IRAG1: variants seen among roughly 807,000 people sequenced by gnomAD.
IRAG1 encodes IP3R-associated cGMP kinase substrate.
IRAG1 carries 62 observed loss-of-function variants against 106.2 expected under a neutral mutation model. The ratio of observed to expected loss-of-function variants is 0.58; its 90% CI spans 0.48 to 0.72. The LOEUF is 0.72. Ranked by LOEUF, IRAG1 falls within the 30% of genes least tolerant of loss-of-function variation. IRAG1 has a pLI of 0.00. For missense variants in IRAG1, 1,064 were observed against 1,140.7 expected, an observed-to-expected ratio of 0.93 and a Z score of 0.97; for synonymous variants, 462 against 443.9, an observed-to-expected ratio of 1.04 and a Z score of -0.51.
chr11:10,625,068 A>G (rs1016211399), intron 9 of IRAG1, among the ~76,000 whole-genome samples: 5 of 152,232 alleles, frequency 3.3e-5, no homozygotes, highest in African/African-American at 9.6e-5. Flanking sequence ...CCTCCAGTTC[A>G]GAGCATCATG....
At chr11:10,676,481 A>G (rs946414866) in intron 1 of IRAG1, among the ~76,000 whole-genome samples, 1 of 152,202 alleles carries the variant, frequency 6.6e-6, no homozygotes, top group Admixed American at 6.5e-5. Context: ...GCCCCACAGA[A>G]TATCCCATGC....
chr11:10,606,923 T>TA (rs1292409982), intron 11 of IRAG1, among the ~76,000 whole-genome samples, 151 bp from the exon 12 acceptor site: 1 of 152,188 alleles, frequency 6.6e-6, no homozygotes, highest in Non-Finnish European at 1.5e-5. Context: ...TTGCCTGTGC[T>TA]CTGTCACCTG....
chr11:10,622,325 G>C (rs16927084), intron 10 of IRAG1, among the ~76,000 whole-genome samples: 2,265 of 152,216 alleles, frequency 0.015, 67 homozygotes, highest in African/African-American at 0.052. Context: ...GAGGCTAGAG[G>C]GTGAGTGGCC....
At chr11:10,632,087 T>A in intron 3 of IRAG1, 26 bp from the exon 4 acceptor site, 1 of 1,570,608 alleles carries the variant, frequency 6.4e-7, no homozygotes. Context: ...GTCATCTTGT[T>A]CAGAAAATCA....
rs145405534 is a variant in IRAG1 at position 10,580,532 on chromosome 11, T to TTCC, written c.2415_2417dup (p.Glu807dup). 3 of 1,613,962 alleles carry TTCC rather than the reference T, an allele frequency of 1.9e-6. No individual in the cohort carries two copies. The highest frequency in any genetic ancestry group is 2.5e-6 in the Non-Finnish European group (3 of 1,179,848). On this transcript the variant is annotated inframe_insertion, in exon 20 of 21. Transcript: ENST00000423302. ...CCTCAGGACTCTCACTCTTCTGTTC[T>TTCC]TCCTCCTCCTCCTTCAGGTCTTGAA...
chr11:10,646,022 A>T (rs973078546), intron 2 of IRAG1, among the ~76,000 whole-genome samples: 3 of 152,202 alleles, frequency 2.0e-5, no homozygotes, highest in Non-Finnish European at 4.4e-5. Context: ...ATGAGGAATC[A>T]CTTATCCAAG....
At chr11:10,669,053 C>A (rs1185374583) in intron 1 of IRAG1, among the ~76,000 whole-genome samples, 1 of 152,148 alleles carries the variant, frequency 6.6e-6, no homozygotes, top group Non-Finnish European at 1.5e-5. Flanking sequence ...TCCCATTATC[C>A]AAGAGTGTAC....
intron 15 of IRAG1, chr11:10,595,637 C>T (rs192302289): frequency 2.6e-5 from 4 of 152,334 alleles, no homozygotes; most frequent in East Asian, 1.9e-4. Flanking sequence ...GATTTACCCA[C>T]GTTTACAAAT....
At chr11:10,614,868 A>AC (rs1279502049) in intron 10 of IRAG1, among the ~76,000 whole-genome samples, 1 of 152,240 alleles carries the variant, frequency 6.6e-6, no homozygotes, top group East Asian at 1.9e-4. Flanking sequence ...ACCATTCAGG[A>AC]CATAGGCATG....
chr11:10,596,569 C>T (rs900827184), intron 15 of IRAG1, among the ~76,000 whole-genome samples: 1 of 152,122 alleles, frequency 6.6e-6, no homozygotes, highest in African/African-American at 2.4e-5. Context: ...CTTAGCCATT[C>T]TTTCTTGGCA....
intron 1 of IRAG1, among the ~76,000 whole-genome samples, chr11:10,661,677 C>G (rs780665943): frequency 1.4e-4 from 22 of 152,200 alleles, no homozygotes; most frequent in Non-Finnish European, 3.2e-4. Flanking sequence ...CTTCCCCCTT[C>G]ACATTTCCTT....
At position 10,632,054 on chromosome 11, in the gene IRAG1, T is replaced by A. The variant is rs1856734633; in HGVS notation, c.337A>T (p.Ser113Cys). ...CGGTGAGAAAGCCTCTTGTGGGGAC[T>A]GTGAACTCTGAAAGACAGAACAGTC... ...TDKNLANRVHSPHKRLSHRHL... is the reference protein window; with the variant it reads ...TDKNLANRVHCPHKRLSHRHL... The change falls in exon 4 of 21, where the codon AGT (serine) becomes TGT (cysteine). Residue 113 changes from serine to cysteine, a missense_variant. Physicochemically the swap from Ser to Cys is moderately radical, Grantham distance 112. Transcript: ENST00000423302. 1 of 1,613,448 alleles carries A rather than the reference T, an allele frequency of 6.2e-7. No individual in the cohort carries two copies. Among genetic ancestry groups the A allele is most frequent in the Non-Finnish European group, 8.5e-7 (1 of 1,179,422 alleles).
At chr11:10,679,152 A>G (rs1860939959) in intron 1 of IRAG1, among the ~76,000 whole-genome samples, 1 of 152,242 alleles carries the variant, frequency 6.6e-6, no homozygotes, top group African/African-American at 2.4e-5. Flanking sequence ...ACATGAGACC[A>G]GGAGACTGTA....
intron 20 of IRAG1, among the ~76,000 whole-genome samples, chr11:10,579,309 T>C (rs967365964): frequency 1.3e-5 from 2 of 152,134 alleles, no homozygotes; most frequent in African/African-American, 4.8e-5. Context: ...TCATTACCTA[T>C]TTGTTGCATG....
At position 10,603,182 on chromosome 11, in the gene IRAG1, C is replaced by T; in HGVS notation, c.1813G>A (p.Val605Ile). ...TYQKLLEDIAVLHRLAARLSS... is the reference protein window; with the variant it reads ...TYQKLLEDIAILHRLAARLSS... Reference sequence around the variant, plus strand: ...AGGCGGGCAGCCAGGCGGTGCAGGACAGCGATGTCCTCCAGCAACTTCTGG... The same window carrying T: ...AGGCGGGCAGCCAGGCGGTGCAGGATAGCGATGTCCTCCAGCAACTTCTGG... Residue 605 changes from valine to isoleucine, a missense_variant, in exon 14 of 21, where the codon GTC becomes ATC. Coordinates refer to ENST00000423302, the MANE Select transcript of IRAG1 (RefSeq NM_130385.4). The T allele has an allele frequency of 6.2e-7, 1 of 1,611,284 alleles. No homozygotes were observed. The highest frequency in any genetic ancestry group is 1.3e-5 in the African/African-American group (1 of 74,986).
At chr11:10,622,835 T>C (rs1855934488) in intron 10 of IRAG1, among the ~76,000 whole-genome samples, 1 of 144,080 alleles carries the variant, frequency 6.9e-6, no homozygotes, top group African/African-American at 2.5e-5. Flanking sequence ...AACAAATACC[T>C]ATGCAGGCCC....
intron 1 of IRAG1, among the ~76,000 whole-genome samples, chr11:10,662,969 C>A (rs991176419): frequency 2.6e-4 from 39 of 152,214 alleles, no homozygotes; most frequent in African/African-American, 8.9e-4. Flanking sequence ...CAGAAGCCAA[C>A]ATGTGGGCTG....
chr11:10,591,569 G>A lies in IRAG1; in HGVS notation c.2219C>T (p.Ala740Val). 6.3e-7 allele frequency: 1 copy of A among 1,597,924 alleles called. No homozygotes were observed. The highest frequency in any genetic ancestry group is 8.5e-7 in the Non-Finnish European group (1 of 1,172,186). Residue 740 changes from alanine (A) to valine (V), a missense_variant, in exon 18 of 21, where the codon GCA becomes GTA. Physicochemically the swap from Ala to Val is moderately conservative, Grantham distance 64. Coordinates refer to ENST00000423302, the MANE Select transcript of IRAG1 (RefSeq NM_130385.4). Reference protein sequence around the residue: ...NGKGSLPVTSALPALLENGKT... With the variant: ...NGKGSLPVTSVLPALLENGKT... Reference sequence around the variant, plus strand: ...TTACTTTTCCAAAAGTGCAGGCAGTGCTGAAGTGACAGGTAGGCTGCCTTT... The same window carrying A: ...TTACTTTTCCAAAAGTGCAGGCAGTACTGAAGTGACAGGTAGGCTGCCTTT...
chr11:10,609,800 C>A lies in IRAG1; in HGVS notation c.1499G>T (p.Gly500Val). The A allele has an allele frequency of 6.2e-7, 1 of 1,613,952 alleles. No homozygotes were observed. The highest frequency in any genetic ancestry group is 8.5e-7 in the Non-Finnish European group (1 of 1,179,868). The change falls in exon 11 of 21, where the codon GGC becomes GTC. Residue 500 changes from glycine (G) to valine (V), a missense_variant. Physicochemically the swap from Gly to Val is moderately radical, Grantham distance 109. Coordinates refer to ENST00000423302, the MANE Select transcript of IRAG1 (RefSeq NM_130385.4). ...AGAAATATTAGGCATGACATCTAAGCCACTCTTTGACTCTTCTTCCTCAAT... is the reference window on the plus strand; with the variant it reads ...AGAAATATTAGGCATGACATCTAAGACACTCTTTGACTCTTCTTCCTCAAT... ...PAIEEEESKS[G>V]LDVMPNISDV...
Sources: gnomAD v4.1 joint callset for allele counts (sites outside exome capture counted in the v4.1 genomes callset) on GRCh38, gnomAD v4.1.1 for gene constraint, MANE v1.5 for transcripts, NCBI Gene and HGNC (gene_info 2026-07-23, HGNC 2026-07-21) for gene names.